The following KLHL2 variants were observed in gnomAD, a reference collection of about 807,000 sequenced individuals.
The protein encoded by KLHL2 is kelch-like protein 2.
Under a neutral mutation model 75.8 loss-of-function variants are expected in KLHL2, and 15 were observed. That is an observed-to-expected ratio of 0.20 (90% confidence interval 0.13 to 0.30). The LOEUF is 0.30. KLHL2 is among the 10% of genes least tolerant of loss of function. KLHL2 has a pLI of 1.00. For synonymous variants in KLHL2, 214 were observed against 251.9 expected, an observed-to-expected ratio of 0.85 and a Z score of 1.42; for missense variants, 381 against 741.0, an observed-to-expected ratio of 0.51 and a Z score of 5.64.
chr4:165,232,210 T>C (rs1427937579), intron 3 of KLHL2, among the ~76,000 whole-genome samples: 2 of 151,556 alleles, frequency 1.3e-5, no homozygotes, highest in Admixed American at 6.6e-5. Flanking sequence ...GATCACGAGG[T>C]CAGGAGATTG....
intron 3 of KLHL2, among the ~76,000 whole-genome samples, chr4:165,233,526 C>G (rs1309443517): frequency 6.6e-6 from 1 of 152,004 alleles, no homozygotes; most frequent in Non-Finnish European, 1.5e-5. Context: ...TAGGAAAAGA[C>G]AGATTATTGT....
intron 13 of KLHL2, among the ~76,000 whole-genome samples, chr4:165,316,493 G>A (rs1294305578): frequency 5.3e-5 from 8 of 152,024 alleles, no homozygotes; most frequent in Non-Finnish European, 7.4e-5. Context: ...TGTAGATTTG[G>A]GCAGCATTAT....
At chr4:165,286,800 A>T (rs1312021957) in intron 5 of KLHL2, among the ~76,000 whole-genome samples, 1 of 152,178 alleles carries the variant, frequency 6.6e-6, no homozygotes, top group East Asian at 1.9e-4. Context: ...TAACCCAGTG[A>T]TCTTTCTTTT....
At chr4:165,244,595 G>A (rs1311772724) in intron 4 of KLHL2, among the ~76,000 whole-genome samples, 1 of 152,084 alleles carries the variant, frequency 6.6e-6, no homozygotes, top group Non-Finnish European at 1.5e-5. Flanking sequence ...AGTCATTGAT[G>A]GAATATCTGA....
intron 4 of KLHL2, among the ~76,000 whole-genome samples, chr4:165,259,427 T>C (rs534967299): frequency 1.1e-4 from 17 of 152,230 alleles, no homozygotes; most frequent in Non-Finnish European, 1.8e-4. Context: ...TATTCTTAAC[T>C]ATTAATGCAA....
intron 8 of KLHL2, among the ~76,000 whole-genome samples, chr4:165,301,316 C>A (rs1260543654): frequency 6.6e-6 from 1 of 152,162 alleles, no homozygotes; most frequent in East Asian, 1.9e-4. Flanking sequence ...AATTTTTACT[C>A]AGAATTATCA....
chr4:165,207,952 G>C lies in KLHL2; in HGVS notation c.26+50G>C. The C allele has an allele frequency of 1.4e-5, 18 of 1,285,270 alleles. No homozygotes were observed. The highest frequency in any genetic ancestry group is 1.6e-5 in the Non-Finnish European group (16 of 1,015,900). 79.6% of individuals were successfully genotyped at this position (1,285,270 alleles called of 1,614,324 possible). A position where few individuals can be genotyped will look rare whatever the true frequency, so the allele number is the denominator to read the frequency against. On this transcript the variant is annotated intron_variant, in intron 1 of 14. Transcript: ENST00000226725. The surrounding 1 kb of genome is among the most constrained non-coding windows in gnomAD (Gnocchi z 4.2). ...CGCCGCTGCGGATAAGCGCGCCGCT[G>C]CGGCGCGTGTCGCCGGCCGCGGGCG... is the stretch of plus-strand genomic sequence containing the variant.
chr4:165,278,616 C>A (rs1743371300), intron 5 of KLHL2: 1 of 1,589,134 alleles, frequency 6.3e-7, no homozygotes, highest in African/African-American at 1.3e-5. Context: ...TTTTCAATTT[C>A]TTCTGAGGTC....
chr4:165,280,568 G>A (rs1053693446), intron 5 of KLHL2, among the ~76,000 whole-genome samples: 10 of 152,318 alleles, frequency 6.6e-5, no homozygotes, highest in East Asian at 1.9e-4. Context: ...GATTATTCAA[G>A]GGTCTATTGC....
Position 165,280,795 on chromosome 4 carries a change from A to T in KLHL2, c.545-13564A>T, listed in dbSNP as rs568144912. ...TGTTGACAGGAATTTTTTCTAGCTT[A>T]CATGAGTTAACTGTTTTCAGGTTTC... On this transcript the variant is annotated intron_variant, in intron 5 of 14. Transcript: ENST00000226725. Among the ~76,000 whole-genome samples the T allele has an allele frequency of 2.6e-3, 389 of 152,352 alleles. 4 individuals are homozygous for T. Among genetic ancestry groups the T allele is most frequent in the African/African-American group, 8.4e-3 (348 of 41,580 alleles).
At position 165,279,286 on chromosome 4, in the gene KLHL2, C is replaced by T. The variant is rs1217650339; in HGVS notation, c.545-15073C>T. 4 of 1,542,328 alleles carry T rather than the reference C, an allele frequency of 2.6e-6. No homozygotes were observed. The African/African-American group carries it at 5.4e-5, about 21-fold the overall frequency. The stretch of plus-strand genomic sequence containing the variant: ...TTTTACTAAGACTCTCAACGGTAGA[C>T]TGTGTTCTTAGATCAAGCCACACCA... On this transcript the variant is annotated intron_variant, in intron 5 of 14. Coordinates refer to ENST00000226725, the MANE Select transcript of KLHL2 (RefSeq NM_007246.4).
chr4:165,245,648 G>A (rs545116947), intron 4 of KLHL2, among the ~76,000 whole-genome samples: 2 of 152,080 alleles, frequency 1.3e-5, no homozygotes, highest in African/African-American at 2.4e-5. Flanking sequence ...CAAGATTAAC[G>A]CCAGACTGTA....
chr4:165,270,719 G>A (rs1335787091), intron 5 of KLHL2, among the ~76,000 whole-genome samples: 1 of 152,126 alleles, frequency 6.6e-6, no homozygotes, highest in Non-Finnish European at 1.5e-5. Flanking sequence ...GCACCCACCT[G>A]TTTGAGGTGT....
chr4:165,267,945 C>G (rs1742366229), intron 5 of KLHL2, among the ~76,000 whole-genome samples: 1 of 152,068 alleles, frequency 6.6e-6, no homozygotes, highest in African/African-American at 2.4e-5. Flanking sequence ...TGGTCCTGGA[C>G]TTTTTTTGGT....
chr4:165,251,830 C>T (rs113562401), intron 4 of KLHL2, among the ~76,000 whole-genome samples: 10,417 of 151,818 alleles, frequency 0.069, 458 homozygotes, highest in Middle Eastern at 0.13. Flanking sequence ...GGGATGGTCT[C>T]GATCTCCTGA....
intron 3 of KLHL2, 149 bp from the exon 4 acceptor site, chr4:165,238,629 G>T (rs534961265): frequency 1.0e-4 from 147 of 1,458,628 alleles, no homozygotes; most frequent in Middle Eastern, 2.4e-4. Context: ...GAAGAGGAAG[G>T]GGGGAGTATT....
chr4:165,262,959 T>C (rs1741818061), intron 4 of KLHL2, among the ~76,000 whole-genome samples: 1 of 152,308 alleles, frequency 6.6e-6, no homozygotes, highest in South Asian at 2.1e-4. Flanking sequence ...AGATCTGATA[T>C]CTCATATTCT....
chr4:165,253,928 TCTC>T (rs1740949038), intron 4 of KLHL2, among the ~76,000 whole-genome samples: 2 of 152,188 alleles, frequency 1.3e-5, no homozygotes, highest in African/African-American at 4.8e-5. Context: ...TGGATATGTG[TCTC>T]CTCTGACTAG....
chr4:165,310,949 G>A (rs1339386620), intron 10 of KLHL2, among the ~76,000 whole-genome samples, 199 bp downstream of exon 10: 1 of 151,426 alleles, frequency 6.6e-6, no homozygotes, highest in Non-Finnish European at 1.5e-5. Context: ...CCGCCTGCCG[G>A]GTTCATGCCA....
Sources: allele counts gnomAD v4.1 joint callset (sites outside exome capture counted in the v4.1 genomes callset), GRCh38; gene constraint gnomAD v4.1.1; non-coding constraint Gnocchi (gnomAD v3.1); transcripts MANE v1.5; gene names NCBI Gene and HGNC (gene_info 2026-07-23, HGNC 2026-07-21).